LMF1: variants seen among roughly 807,000 people sequenced by gnomAD.
The protein encoded by LMF1 is lipase maturation factor 1.
LMF1 carries 68 observed loss-of-function variants against 60.6 expected under a neutral mutation model. That is an observed-to-expected ratio of 1.12 (90% CI 0.92 to 1.37). LMF1 has a LOEUF of 1.37. Ranked by LOEUF, LMF1 falls within the 40% of genes most tolerant of loss-of-function variation. The probability of loss-of-function intolerance (pLI) is 0.00; values close to 1 mark genes in which losing one functional copy is unlikely to be tolerated. For synonymous variants in LMF1, 418 were observed against 324.7 expected (o/e 1.29, Z -3.09); for missense variants, 948 against 767.2 (o/e 1.24, Z -2.78).
intron 4 of LMF1, among the ~76,000 whole-genome samples, chr16:898,474 C>T (rs1285497662): frequency 1.3e-5 from 2 of 152,244 alleles, no homozygotes; most frequent in Admixed American, 6.5e-5. Flanking sequence ...ACCTGAACTG[C>T]TCCTTCCCCC....
At chr16:949,711 GACA>G (rs1229351158) in intron 2 of LMF1, among the ~76,000 whole-genome samples, 30 of 105,224 alleles carry the variant, frequency 2.9e-4, no homozygotes, top group Middle Eastern at 4.0e-3. Context: ...CAGAGTCAGA[GACA>G]ACGACAGAGT....
chr16:883,547 T>C (rs1036447294), intron 5 of LMF1, among the ~76,000 whole-genome samples: 3 of 152,236 alleles, frequency 2.0e-5, no homozygotes, highest in Non-Finnish European at 2.9e-5. Flanking sequence ...AGTAAAAGTC[T>C]TTCTGAGTCT....
At chr16:926,364 G>A (rs1424528194) in intron 3 of LMF1, among the ~76,000 whole-genome samples, 1 of 152,234 alleles carries the variant, frequency 6.6e-6, no homozygotes, top group Non-Finnish European at 1.5e-5. Flanking sequence ...GCACGTGCTT[G>A]CATATGATCT....
intron 5 of LMF1, among the ~76,000 whole-genome samples, chr16:889,249 C>T (rs1307624924): frequency 6.6e-6 from 1 of 152,226 alleles, no homozygotes; most frequent in Non-Finnish European, 1.5e-5. Context: ...TCTCTTGGAA[C>T]TTGGGGATGC....
In LMF1 at chr16:878,193, G is replaced by A. The variant is rs978425635; in HGVS notation, c.897+1377C>T. ...CGACTGAAGCTATTCCAGGAGCCCT[G>A]AGCAGCTGCAGAGAGAAACGTGCGG... On this transcript the variant is annotated intron_variant, in intron 6 of 10. Transcript: ENST00000262301. This position sits in a 1 kb window ranked among gnomAD's most constrained non-coding sequence, Gnocchi z 5.2. 6.6e-6 allele frequency among the ~76,000 whole-genome samples: 1 copy of A among 152,176 alleles called. No homozygotes were observed. The highest frequency in any genetic ancestry group is 2.4e-5 in the African/African-American group (1 of 41,440).
intron 3 of LMF1, among the ~76,000 whole-genome samples, chr16:917,407 G>A (rs1317930815): frequency 7.1e-6 from 1 of 140,686 alleles, no homozygotes; most frequent in East Asian, 2.1e-4. Context: ...GCAGGCCCAC[G>A]TGAAGAAATG....
chr16:893,344 C>T (rs534209834), intron 4 of LMF1: 37 of 574,868 alleles, frequency 6.4e-5, no homozygotes, highest in South Asian at 5.6e-4. Context: ...CACTCATTCT[C>T]AGAGCTCCAC....
upstream of LMF1, chr16:981,347 A>AGT (rs752216162): frequency 5.9e-3 from 565 of 96,304 alleles, 12 homozygotes; most frequent in Admixed American, 0.013. Flanking sequence ...AGAGAGAGAG[A>AGT]GTGTGTGTGT....
intron 2 of LMF1, among the ~76,000 whole-genome samples, chr16:937,425 G>A (rs556976133): frequency 2.6e-5 from 4 of 152,294 alleles, no homozygotes; most frequent in South Asian, 4.1e-4. Flanking sequence ...ACTGCCTAGT[G>A]AGGTCAGGAA....
rs1332311724 is a variant in LMF1, at chr16:926,205, GTC to G, written c.514+8037_514+8038del. Reference sequence around the variant, plus strand: ...ATTTGCATATGATCTGCATACGTGGGTCTGTGTGCGCGTGTGCACGTTTGCAT... The same window carrying G: ...ATTTGCATATGATCTGCATACGTGGGTGTGTGCGCGTGTGCACGTTTGCAT... On this transcript the variant is annotated intron_variant, in intron 3 of 10. Coordinates refer to ENST00000262301, the MANE Select transcript of LMF1 (RefSeq NM_022773.4). Among the ~76,000 whole-genome samples the G allele has an allele frequency of 5.9e-5, 9 of 151,390 alleles. No homozygotes were observed. In the East Asian group the frequency reaches 1.4e-3, roughly 23 times the overall value.
chr16:894,582 C>G (rs1050509853), intron 4 of LMF1, among the ~76,000 whole-genome samples: 1 of 152,186 alleles, frequency 6.6e-6, no homozygotes, highest in Non-Finnish European at 1.5e-5. Context: ...AGAGGAAGGA[C>G]GGCCACCAGT....
chr16:883,547 T>G (rs1036447294), intron 5 of LMF1, among the ~76,000 whole-genome samples: 2 of 152,236 alleles, frequency 1.3e-5, no homozygotes, highest in Non-Finnish European at 2.9e-5. Flanking sequence ...AGTAAAAGTC[T>G]TTCTGAGTCT....
chr16:919,926 T>C (rs1404533151), intron 3 of LMF1, among the ~76,000 whole-genome samples: 1 of 152,034 alleles, frequency 6.6e-6, no homozygotes, highest in Non-Finnish European at 1.5e-5. Flanking sequence ...CCCGGCACCA[T>C]CCTTCCGGCC....
chr16:855,649 G>T (rs1249185280), intron 10 of LMF1: 2 of 453,470 alleles, frequency 4.4e-6, no homozygotes. Flanking sequence ...CAGGGCGGCT[G>T]CTGCCTGGCT....
At chr16:922,892 G>A (rs1464880576) in intron 3 of LMF1, among the ~76,000 whole-genome samples, 1 of 117,812 alleles carries the variant, frequency 8.5e-6, no homozygotes, top group Non-Finnish European at 1.6e-5. Context: ...GTGTTGTTGC[G>A]AAGGCCCTGT....
intron 1 of LMF1, chr16:979,752 G>C: frequency 2.2e-6 from 1 of 454,150 alleles, no homozygotes; most frequent in Non-Finnish European, 4.4e-6. Context: ...GCCCGAGTGG[G>C]CGATGTCTGC....
At chr16:958,884 CA>C (rs1377609799) in intron 1 of LMF1, among the ~76,000 whole-genome samples, 3 of 142,430 alleles carry the variant, frequency 2.1e-5, no homozygotes, top group Non-Finnish European at 1.5e-5. Context: ...AAGACTGTCT[CA>C]AAAAAAAAAC....
At chr16:891,987 G>A (rs961715673) in intron 5 of LMF1, among the ~76,000 whole-genome samples, 1 of 152,182 alleles carries the variant, frequency 6.6e-6, no homozygotes, top group Non-Finnish European at 1.5e-5. Context: ...AGCAAGGCGG[G>A]GCACTTGATG....
chr16:914,507 CT>C (rs2071215431), intron 3 of LMF1, among the ~76,000 whole-genome samples: 1 of 36,370 alleles, frequency 2.7e-5, no homozygotes, highest in African/African-American at 9.6e-5. Context: ...CCCTCCCTCC[CT>C]TCCATGACCA....
Sources: allele counts gnomAD v4.1 joint callset (sites outside exome capture counted in the v4.1 genomes callset), GRCh38; gene constraint gnomAD v4.1.1; non-coding constraint Gnocchi (gnomAD v3.1); transcripts MANE v1.5; gene names NCBI Gene and HGNC (gene_info 2026-07-23, HGNC 2026-07-21).